The following DCT variants were observed in gnomAD, a reference collection of about 807,000 sequenced individuals.
The protein encoded by DCT is dopachrome tautomerase.
A neutral mutation model predicts 53.0 loss-of-function variants in DCT; 47 were observed. The ratio of observed to expected loss-of-function variants is 0.89; its 90% CI spans 0.70 to 1.13. The LOEUF is 1.13. Among genes scored for constraint, DCT ranks in the 50% most tolerant of loss-of-function variants. DCT has a pLI of 0.00. For missense variants in DCT, 669 were observed against 637.4 expected, an observed-to-expected ratio of 1.05 and a Z score of -0.53; for synonymous variants, 244 against 237.0, an observed-to-expected ratio of 1.03 and a Z score of -0.27.
At chr13:94,495,898 G>A in the DCT span, among the ~76,000 whole-genome samples, 1 of 152,180 alleles carries the variant, frequency 6.6e-6, no homozygotes, top group African/African-American at 2.4e-5. Context: ...TTCATGAAGG[G>A]ATGGCTCTGC....
the DCT span, among the ~76,000 whole-genome samples, chr13:94,502,788 C>T: frequency 3.9e-5 from 6 of 152,060 alleles, no homozygotes; most frequent in African/African-American, 1.4e-4. Flanking sequence ...TTCCTCTCCT[C>T]GCTGCACTCT....
the DCT span, among the ~76,000 whole-genome samples, chr13:94,495,944 A>C: frequency 1.3e-5 from 2 of 152,194 alleles, no homozygotes; most frequent in Admixed American, 6.5e-5. Context: ...TCTGTTGCAT[A>C]GAAGTCTATA....
chr13:94,539,502 T>A, the DCT span, among the ~76,000 whole-genome samples: 2 of 152,236 alleles, frequency 1.3e-5, no homozygotes, highest in African/African-American at 4.8e-5. Context: ...CATTCCTGCA[T>A]ACTCAAAGCT....
At chr13:94,518,214 A>G in the DCT span, among the ~76,000 whole-genome samples, 1 of 152,156 alleles carries the variant, frequency 6.6e-6, no homozygotes, top group Non-Finnish European at 1.5e-5. Context: ...TTGTGTCAGC[A>G]ACTGGCAACT....
At chr13:94,485,179 T>C in the DCT span, among the ~76,000 whole-genome samples, 1 of 152,090 alleles carries the variant, frequency 6.6e-6, no homozygotes, top group African/African-American at 2.4e-5. Flanking sequence ...TCTTTGAACA[T>C]CCTGAAATTG....
In DCT at chr13:94,439,631, G is replaced by T. The variant is rs1882130781; in HGVS notation, c.*267C>A. 3.7e-6 allele frequency: 1 copy of T among 272,336 alleles called. No homozygotes were observed. The highest frequency in any genetic ancestry group is 6.9e-6 in the Non-Finnish European group (1 of 145,278). 16.9% of individuals were successfully genotyped at this position (272,336 alleles called of 1,614,324 possible). The stretch of plus-strand genomic sequence containing the variant: ...GAGGAGGCTTAATCAATATTGGGGG[G>T]GGGGTTATTATTAGATATCACAAAT... On this transcript the variant is annotated 3_prime_UTR_variant, in exon 8 of 8. Transcript: ENST00000377028.
chr13:94,485,402 C>T, the DCT span, among the ~76,000 whole-genome samples: 1 of 152,082 alleles, frequency 6.6e-6, no homozygotes, highest in Non-Finnish European at 1.5e-5. Context: ...AATGGAGGCA[C>T]CTGTATAGTT....
intron 6 of DCT, among the ~76,000 whole-genome samples, chr13:94,448,061 AAC>A (rs1195451654): frequency 3.3e-5 from 5 of 152,144 alleles, no homozygotes; most frequent in African/African-American, 1.2e-4. Flanking sequence ...CAGCCCCAGC[AAC>A]AGAGTGAGAC....
At chr13:94,473,735 A>G (rs1884898828) in intron 1 of DCT, among the ~76,000 whole-genome samples, 1 of 152,256 alleles carries the variant, frequency 6.6e-6, no homozygotes, top group Non-Finnish European at 1.5e-5. Flanking sequence ...ATAAGTTCTA[A>G]TAAGAAAGCT....
Position 94,460,119 on chromosome 13 carries a change from T to C in DCT, c.1151A>G (p.His384Arg). The C allele has an allele frequency of 6.2e-7, 1 of 1,614,114 alleles. No homozygotes were observed. Among genetic ancestry groups the C allele is most frequent in the Non-Finnish European group, 8.5e-7 (1 of 1,180,004 alleles). ...AAAAATGGGATCATTGGCGGCTGAA[T>C]GTGGCAAAGCGTTTGTCCCGTTCAG... ...SFLNGTNALP[H>R]SAANDPIFVV... The change falls in exon 6 of 8, where the codon CAT becomes CGT. Residue 384 changes from histidine (H) to arginine (R), a missense_variant. Transcript: ENST00000377028.
intron 6 of DCT, among the ~76,000 whole-genome samples, chr13:94,451,761 A>C (rs150362219): frequency 0.012 from 1,878 of 152,242 alleles, 37 homozygotes; most frequent in African/African-American, 0.042. Flanking sequence ...GATCACATTC[A>C]TTTTCCATAA....
rs760281161 is a variant in DCT, at chr13:94,462,127, C to T, written c.926G>A (p.Arg309Lys). ...CATGCTGTTTCTTCCCATTTGATTT[C>T]TTCTCAGCAAACCTTCATAGGTTCC... ...CNGTYEGLLR[R>K]NQMGRNSMKL... The change falls in exon 5 of 8, where the codon AGA (arginine) becomes AAA (lysine). Residue 309 changes from arginine (R) to lysine (K), a missense_variant. Arg to Lys is a conservative substitution (Grantham distance 26, BLOSUM62 2). Transcript: ENST00000377028. 3 of 1,613,418 alleles carry T rather than the reference C, an allele frequency of 1.9e-6. No individual in the cohort carries two copies. Among genetic ancestry groups the T allele is most frequent in the Non-Finnish European group, 2.5e-6 (3 of 1,179,754 alleles).
the DCT span, among the ~76,000 whole-genome samples, chr13:94,527,472 G>A: frequency 6.6e-5 from 10 of 152,296 alleles, no homozygotes; most frequent in South Asian, 1.0e-3. Flanking sequence ...TGCAGCCTCC[G>A]CTGGTGATAC....
At chr13:94,487,427 T>C in the DCT span, among the ~76,000 whole-genome samples, 1 of 152,252 alleles carries the variant, frequency 6.6e-6, no homozygotes, top group African/African-American at 2.4e-5. Context: ...TCAATGTATG[T>C]TCATGACATA....
intron 6 of DCT, among the ~76,000 whole-genome samples, chr13:94,456,698 G>A (rs1883432887): frequency 6.6e-6 from 1 of 152,140 alleles, no homozygotes; most frequent in Non-Finnish European, 1.5e-5. Context: ...CACCAGATCA[G>A]GTCAAGAGAC....
At chr13:94,543,958 C>T in the DCT span, among the ~76,000 whole-genome samples, 2 of 151,686 alleles carry the variant, frequency 1.3e-5, no homozygotes, top group African/African-American at 4.9e-5. Context: ...TTGGTTGAAC[C>T]CAGGAGGCAG....
the DCT span, among the ~76,000 whole-genome samples, chr13:94,508,713 A>G: frequency 6.6e-6 from 1 of 152,166 alleles, no homozygotes; most frequent in Admixed American, 6.5e-5. Context: ...AGAAAGAAGA[A>G]TAGGGGGCCA....
chr13:94,487,229 AG>A, the DCT span, among the ~76,000 whole-genome samples: 1 of 152,244 alleles, frequency 6.6e-6, no homozygotes, highest in African/African-American at 2.4e-5. Flanking sequence ...ATGTTCTGAA[AG>A]CCAGTAAAGA....
chr13:94,518,408 C>T, the DCT span, among the ~76,000 whole-genome samples: 3 of 152,180 alleles, frequency 2.0e-5, no homozygotes, highest in Non-Finnish European at 2.9e-5. Context: ...GTATCCAAAA[C>T]TTTTCTCATG....
Sources: gnomAD v4.1 joint callset for allele counts (sites outside exome capture counted in the v4.1 genomes callset) on GRCh38, gnomAD v4.1.1 for gene constraint, MANE v1.5 for transcripts, NCBI Gene and HGNC (gene_info 2026-07-23, HGNC 2026-07-21) for gene names.